The following TMEM163 variants were observed in gnomAD, a reference collection of about 807,000 sequenced individuals.
TMEM163 encodes the protein transmembrane protein 163.
TMEM163 carries 17 observed loss-of-function variants against 29.3 expected under a neutral mutation model. The ratio of observed to expected loss-of-function variants is 0.58; its 90% CI spans 0.40 to 0.87. The LOEUF (loss-of-function observed/expected upper bound fraction) is 0.87, where lower values mean the gene tolerates loss of function less well. TMEM163 is among the 40% of genes least tolerant of loss of function. The pLI is 0.00. For synonymous variants in TMEM163, 157 were observed against 160.6 expected, an observed-to-expected ratio of 0.98 and a Z score of 0.17; for missense variants, 303 against 381.5, an observed-to-expected ratio of 0.79 and a Z score of 1.71.
chr2:134,588,722 G>A (rs1441005182), intron 2 of TMEM163, among the ~76,000 whole-genome samples: 2 of 152,176 alleles, frequency 1.3e-5, no homozygotes, highest in Non-Finnish European at 2.9e-5. Flanking sequence ...ATTCCAGTAA[G>A]GCAATGTACA....
intron 5 of TMEM163, among the ~76,000 whole-genome samples, chr2:134,480,497 G>C (rs1687026886): frequency 6.6e-6 from 1 of 152,082 alleles, no homozygotes. Flanking sequence ...TTCCTCATTT[G>C]ATTAGCCACA....
chr2:134,491,456 T>A (rs1679428381), intron 5 of TMEM163, among the ~76,000 whole-genome samples: 1 of 151,464 alleles, frequency 6.6e-6, no homozygotes. Flanking sequence ...GGGGCCGTAT[T>A]TCCTCTATCA....
intron 2 of TMEM163, among the ~76,000 whole-genome samples, chr2:134,683,178 A>G (rs1684283820): frequency 6.6e-6 from 1 of 152,238 alleles, no homozygotes; most frequent in Non-Finnish European, 1.5e-5. Flanking sequence ...GATACATGTC[A>G]TTGTACATTT....
intron 2 of TMEM163, among the ~76,000 whole-genome samples, chr2:134,664,540 T>C (rs1683829517): frequency 6.6e-6 from 1 of 152,198 alleles, no homozygotes; most frequent in Admixed American, 6.5e-5. Context: ...TCAGTAAAGG[T>C]ACTTGAGGTA....
intron 4 of TMEM163, among the ~76,000 whole-genome samples, chr2:134,542,641 C>A (rs1405595547): frequency 6.6e-6 from 1 of 152,156 alleles, no homozygotes; most frequent in Non-Finnish European, 1.5e-5. Flanking sequence ...ATCCCCAAAC[C>A]ATCCCCCACC....
At chr2:134,563,468 T>A (rs1441650935) in intron 2 of TMEM163, among the ~76,000 whole-genome samples, 1 of 152,180 alleles carries the variant, frequency 6.6e-6, no homozygotes, top group Non-Finnish European at 1.5e-5. Context: ...TCCAGTTATT[T>A]CTATATTAGC....
intron 4 of TMEM163, among the ~76,000 whole-genome samples, chr2:134,520,179 T>TC (rs1250045903): frequency 6.6e-6 from 1 of 152,130 alleles, no homozygotes; most frequent in Non-Finnish European, 1.5e-5. Context: ...GTCCACACAT[T>TC]CCCCCAAAGA....
At chr2:134,621,718 G>A (rs999750394) in intron 2 of TMEM163, among the ~76,000 whole-genome samples, 7 of 151,066 alleles carry the variant, frequency 4.6e-5, no homozygotes, top group South Asian at 2.1e-4. Context: ...GTGAAACCCC[G>A]TCTCTACTAA....
intron 2 of TMEM163, among the ~76,000 whole-genome samples, chr2:134,556,395 C>A (rs1681050131): frequency 6.6e-6 from 1 of 152,150 alleles, no homozygotes; most frequent in Admixed American, 6.5e-5. Context: ...ACAAAAGGTT[C>A]ATAATAGGTT....
intron 2 of TMEM163, among the ~76,000 whole-genome samples, chr2:134,672,703 C>T (rs1016139219): frequency 6.6e-6 from 1 of 152,120 alleles, no homozygotes; most frequent in Non-Finnish European, 1.5e-5. Context: ...CAGCTCCCTC[C>T]CAACCCACAA....
At chr2:134,693,076 C>T (rs2104885001) in intron 2 of TMEM163, among the ~76,000 whole-genome samples, 1 of 152,172 alleles carries the variant, frequency 6.6e-6, no homozygotes, top group South Asian at 2.1e-4. Flanking sequence ...ATCTCTGGAC[C>T]CCCCTGTGCC....
chr2:134,464,623 G>A (rs1321078830), intron 6 of TMEM163, among the ~76,000 whole-genome samples: 1 of 152,104 alleles, frequency 6.6e-6, no homozygotes, highest in Non-Finnish European at 1.5e-5. Flanking sequence ...GCGTCCTCTT[G>A]CCTTCCCAAG....
chr2:134,506,006 T>C (rs1201822992), intron 4 of TMEM163, among the ~76,000 whole-genome samples: 1 of 151,998 alleles, frequency 6.6e-6, no homozygotes, highest in African/African-American at 2.4e-5. Context: ...GCATCAACCA[T>C]TTACCACTGG....
In TMEM163 at chr2:134,638,131, A is replaced by G. The variant is rs188626689; in HGVS notation, c.322+75069T>C. 3.4e-4 allele frequency among the ~76,000 whole-genome samples: 52 copies of G among 152,326 alleles called. No homozygotes were observed. In the South Asian group the frequency reaches 8.5e-3, roughly 25 times the overall value. On this transcript the variant is annotated intron_variant, in intron 2 of 7. Transcript: ENST00000281924. ...CTCTCACCTTTTTAAAAATTTACCA[A>G]TGTACTTTGGAATTTGTTCCGTATC...
chr2:134,501,991 A>G (rs1296503042), intron 5 of TMEM163, among the ~76,000 whole-genome samples: 2 of 152,228 alleles, frequency 1.3e-5, no homozygotes, highest in African/African-American at 4.8e-5. Flanking sequence ...TCATGCCTCT[A>G]CTAAATGCAG....
chr2:134,642,780 A>G (rs1050286489), intron 2 of TMEM163, among the ~76,000 whole-genome samples: 4 of 152,328 alleles, frequency 2.6e-5, no homozygotes, highest in African/African-American at 9.6e-5. Context: ...CAAAGAGGAT[A>G]CTTCAAAAAA....
At chr2:134,577,461 G>A (rs1681581484) in intron 2 of TMEM163, among the ~76,000 whole-genome samples, 1 of 152,212 alleles carries the variant, frequency 6.6e-6, no homozygotes, top group East Asian at 1.9e-4. Flanking sequence ...AGGGTCAGAA[G>A]CCAGTTCCTC....
intron 2 of TMEM163, among the ~76,000 whole-genome samples, chr2:134,631,105 A>G (rs913855630): frequency 1.4e-4 from 22 of 152,338 alleles, no homozygotes; most frequent in African/African-American, 5.3e-4. Context: ...AGGTGTACAG[A>G]AGGACCTTCT....
chr2:134,602,147 T>G (rs901647865), intron 2 of TMEM163, among the ~76,000 whole-genome samples: 4 of 152,108 alleles, frequency 2.6e-5, no homozygotes, highest in Non-Finnish European at 5.9e-5. Context: ...CGGTGAGAAA[T>G]TAGAGGTGCA....
Sources: allele counts gnomAD v4.1 joint callset (sites outside exome capture counted in the v4.1 genomes callset), GRCh38; gene constraint gnomAD v4.1.1; transcripts MANE v1.5; gene names NCBI Gene and HGNC (gene_info 2026-07-23, HGNC 2026-07-21).